Variants in NXN observed in about 807,000 individuals in gnomAD.
NXN encodes the protein nucleoredoxin 1.
Under a neutral mutation model 48.6 loss-of-function variants are expected in NXN, and 16 were observed. The observed-to-expected ratio is 0.33, with a 90% CI of 0.22 to 0.50. The LOEUF (loss-of-function observed/expected upper bound fraction) is 0.50. NXN is among the 20% of genes least tolerant of loss of function. The pLI is 0.98. For missense variants in NXN, 492 were observed against 605.5 expected, an observed-to-expected ratio of 0.81 and a Z score of 1.97; for synonymous variants, 281 against 269.6, an observed-to-expected ratio of 1.04 and a Z score of -0.41.
In NXN at chr17:950,037, T is replaced by C. The variant is rs188064342; in HGVS notation, c.360+29282A>G. Among the ~76,000 whole-genome samples, 39 of 152,224 alleles carry C rather than the reference T, an allele frequency of 2.6e-4. No homozygotes were observed. In the South Asian group the frequency reaches 7.3e-3, roughly 28 times the overall value. ...ACAGCCTGATGCTTAAGAAATCACTTTTTTAAAAAGGAAAAAAAGATTGCT... is the reference window on the plus strand; with the variant it reads ...ACAGCCTGATGCTTAAGAAATCACTCTTTTAAAAAGGAAAAAAAGATTGCT... On this transcript the variant is annotated intron_variant, in intron 1 of 7. Coordinates refer to ENST00000336868, the MANE Select transcript of NXN (RefSeq NM_022463.5).
At chr17:868,280 C>G (rs893856077) in intron 1 of NXN, among the ~76,000 whole-genome samples, 4 of 152,186 alleles carry the variant, frequency 2.6e-5, no homozygotes, top group African/African-American at 9.6e-5. Flanking sequence ...TTCCCTCTAT[C>G]CCAGCCACCC....
chr17:828,519 A>G (rs967380833), intron 1 of NXN, among the ~76,000 whole-genome samples: 17 of 150,104 alleles, frequency 1.1e-4, no homozygotes, highest in African/African-American at 3.9e-4. Context: ...CTCTTGCCTC[A>G]GCCTCCCGAG....
intron 1 of NXN, among the ~76,000 whole-genome samples, chr17:911,667 C>A (rs1016679771): frequency 1.3e-5 from 2 of 151,458 alleles, no homozygotes; most frequent in Non-Finnish European, 2.9e-5. Context: ...TTTCTTTCAC[C>A]CTGTTAGCCA....
intron 1 of NXN, among the ~76,000 whole-genome samples, chr17:866,659 G>A (rs986828546): frequency 6.6e-6 from 1 of 152,152 alleles, no homozygotes; most frequent in Non-Finnish European, 1.5e-5. Context: ...TTTTAAGTAC[G>A]TGCATGGAGT....
chr17:827,198 G>GC (rs1224782406), intron 1 of NXN, among the ~76,000 whole-genome samples: 3 of 152,170 alleles, frequency 2.0e-5, no homozygotes, highest in African/African-American at 7.2e-5. Flanking sequence ...ACAAAAATTA[G>GC]CTGGGCGTGG....
At chr17:933,334 T>C (rs1314493251) in intron 1 of NXN, 1 of 152,032 alleles carries the variant, frequency 6.6e-6, no homozygotes, top group African/African-American at 2.4e-5. Flanking sequence ...GTAAATTAAA[T>C]GAATGCTCAC....
rs998261740 is a variant in NXN at position 830,975 on chromosome 17, G to C, written c.361-4897C>G. 3.3e-5 allele frequency among the ~76,000 whole-genome samples: 5 copies of C among 150,642 alleles called. No homozygotes were observed. The highest frequency in any genetic ancestry group is 1.2e-4 in the African/African-American group (5 of 40,874). On this transcript the variant is annotated intron_variant, in intron 1 of 7. Transcript: ENST00000336868. This position sits in a 1 kb window ranked among gnomAD's most constrained non-coding sequence, Gnocchi z 4.2. ...AGACTGAGCTATTGCACTCCAGCCT[G>C]GGCAACAAGAGCGAAACTCCGTCTC...
At chr17:899,561 T>C (rs971625250) in intron 1 of NXN, among the ~76,000 whole-genome samples, 4 of 152,172 alleles carry the variant, frequency 2.6e-5, no homozygotes, top group African/African-American at 9.7e-5. Flanking sequence ...CAAAGACTGA[T>C]TCACTCATGA....
intron 1 of NXN, among the ~76,000 whole-genome samples, chr17:970,319 G>A (rs940199973): frequency 1.1e-4 from 17 of 151,844 alleles, no homozygotes; most frequent in African/African-American, 4.1e-4. Flanking sequence ...ATCTCGGCAG[G>A]ACACCTGAAG....
At chr17:871,127 C>T (rs2467258) in intron 1 of NXN, among the ~76,000 whole-genome samples, 6,842 of 152,094 alleles carry the variant, frequency 0.045, 475 homozygotes, top group African/African-American at 0.16. Flanking sequence ...TCCCAAAGTG[C>T]TGGGATTACA....
At chr17:840,981 C>CA (rs1914138349) in intron 1 of NXN, among the ~76,000 whole-genome samples, 1 of 152,206 alleles carries the variant, frequency 6.6e-6, no homozygotes, top group African/African-American at 2.4e-5. Context: ...CGGCGGGAGG[C>CA]AGAGTGTAGG....
At chr17:970,610 G>GAC (rs1188523913) in intron 1 of NXN, among the ~76,000 whole-genome samples, 1 of 152,176 alleles carries the variant, frequency 6.6e-6, no homozygotes, top group Non-Finnish European at 1.5e-5. Context: ...GCCACCTGAA[G>GAC]AGGCTTGCTG....
chr17:812,083 A>T (rs561239110), intron 5 of NXN, among the ~76,000 whole-genome samples: 9 of 150,578 alleles, frequency 6.0e-5, no homozygotes, highest in African/African-American at 2.2e-4. Flanking sequence ...GCCCGTCACC[A>T]CGCCTGGCTA....
intron 1 of NXN, chr17:930,370 G>T (rs1202057008): frequency 6.6e-6 from 1 of 151,978 alleles, no homozygotes; most frequent in African/African-American, 2.4e-5. Flanking sequence ...GGTGGCGGAG[G>T]TTGCCAGTGA....
intron 5 of NXN, among the ~76,000 whole-genome samples, chr17:813,416 C>T (rs922121457): frequency 1.3e-5 from 2 of 152,244 alleles, no homozygotes; most frequent in South Asian, 2.1e-4. Context: ...AAGGACAGGG[C>T]ACCACAAATA....
At chr17:832,263 C>T (rs995872377) in intron 1 of NXN, among the ~76,000 whole-genome samples, 11 of 151,910 alleles carry the variant, frequency 7.2e-5, no homozygotes, top group South Asian at 2.1e-4. Flanking sequence ...CTGCAAGCTC[C>T]GCCTCCCAGG....
At chr17:900,445 C>T (rs1377903106) in intron 1 of NXN, among the ~76,000 whole-genome samples, 1 of 152,140 alleles carries the variant, frequency 6.6e-6, no homozygotes, top group Non-Finnish European at 1.5e-5. Flanking sequence ...CTCTTCCCCA[C>T]CAGATTCCCA....
At chr17:823,886 G>C in intron 2 of NXN, 121 bp from the exon 3 acceptor site, 1 of 908,014 alleles carries the variant, frequency 1.1e-6, no homozygotes, top group East Asian at 2.5e-5. Context: ...ACCTCAGAGC[G>C]GCAGGCGTGA....
chr17:841,034 C>G (rs1914143770), intron 1 of NXN, among the ~76,000 whole-genome samples: 1 of 152,144 alleles, frequency 6.6e-6, no homozygotes, highest in Admixed American at 6.5e-5. Context: ...GGTTCGAATC[C>G]CGGCTCTGCC....
Sources: allele counts gnomAD v4.1 joint callset (sites outside exome capture counted in the v4.1 genomes callset), GRCh38; gene constraint gnomAD v4.1.1; non-coding constraint Gnocchi (gnomAD v3.1); transcripts MANE v1.5; gene names NCBI Gene and HGNC (gene_info 2026-07-23, HGNC 2026-07-21).